EP400: variants seen among roughly 807,000 people sequenced by gnomAD.
The protein encoded by EP400 is E1A-binding protein p400.
EP400 carries 105 observed loss-of-function variants against 354.1 expected under a neutral mutation model. The ratio of observed to expected loss-of-function variants is 0.30; its 90% CI spans 0.25 to 0.35. The LOEUF is 0.35. Ranked by LOEUF, EP400 falls within the 10% of genes least tolerant of loss-of-function variation. EP400 has a pLI of 1.00. For synonymous variants in EP400, 1,646 were observed against 1,716.9 expected, an observed-to-expected ratio of 0.96 and a Z score of 1.02; for missense variants, 3,280 against 4,121.0, an observed-to-expected ratio of 0.80 and a Z score of 5.59.
Position 131,982,099 on chromosome 12 carries a change from T to C in EP400, c.1550T>C (p.Met517Thr). 6.6e-7 allele frequency: 1 copy of C among 1,508,802 alleles called. No homozygotes were observed. Among genetic ancestry groups the C allele is most frequent in the East Asian group, 2.3e-5 (1 of 43,930 alleles). The allele number at this position is 1,508,802 out of a possible 1,614,324, so 93.5% of individuals were successfully genotyped here. The change falls in exon 5 of 53, where the codon ATG becomes ACG. Residue 517 changes from methionine to threonine, a missense_variant. This residue lies in a region of EP400 where 800 missense variants were observed against 840.0 expected (regional missense o/e 0.95). Transcript: ENST00000389561. Reference sequence around the variant, plus strand: ...CACTTTTCTTATTTTGCAGGAGGAATGCCCCCCACGCCGCAGGCCGCGCAG... The same window carrying C: ...CACTTTTCTTATTTTGCAGGAGGAACGCCCCCCACGCCGCAGGCCGCGCAG... ...QQLMPTAQGGMPPTPQAAQLA... is the reference protein window; with the variant it reads ...QQLMPTAQGGTPPTPQAAQLA...
chr12:132,024,213 A>G (rs1364723306), intron 24 of EP400, among the ~76,000 whole-genome samples: 1 of 152,202 alleles, frequency 6.6e-6, no homozygotes, highest in African/African-American at 2.4e-5. Flanking sequence ...TGTAGATCAA[A>G]GTAGAAATAT....
In EP400 at chr12:132,075,833, G is replaced by A. The variant is rs1896217788; in HGVS notation, c.9022-683G>A. The A allele has an allele frequency of 6.5e-6, 1 of 153,542 alleles. No homozygotes were observed. The highest frequency in any genetic ancestry group is 2.4e-5 in the African/African-American group (1 of 41,450). 9.5% of individuals were successfully genotyped at this position (153,542 alleles called of 1,614,324 possible). On this transcript the variant is annotated intron_variant, in intron 51 of 52. Transcript: ENST00000389561. This position sits in a 1 kb window ranked among gnomAD's most constrained non-coding sequence, Gnocchi z 4.5. ...GTGCAGGGAGGGCCCTTGAAATCAG[G>A]GCCCCCAGCAGCTGCCCACGCTGGA...
intron 1 of EP400, among the ~76,000 whole-genome samples, chr12:131,951,671 G>T (rs949618667): frequency 6.6e-6 from 1 of 152,012 alleles, no homozygotes; most frequent in Non-Finnish European, 1.5e-5. Flanking sequence ...GCGCGATCTC[G>T]GCTCACTGCA....
At chr12:132,015,355 G>T (rs1018599667) in intron 19 of EP400, among the ~76,000 whole-genome samples, 4 of 152,232 alleles carry the variant, frequency 2.6e-5, no homozygotes, top group African/African-American at 9.6e-5. Context: ...AAGCTCTGGT[G>T]TCAGATTTTT....
intron 23 of EP400, among the ~76,000 whole-genome samples, chr12:132,021,908 A>C (rs953083773): frequency 5.9e-5 from 9 of 152,224 alleles, no homozygotes; most frequent in African/African-American, 2.2e-4. Flanking sequence ...GTATGTTTTC[A>C]AACCTTACAT....
At chr12:132,022,854 CG>C (rs1894166052) in intron 23 of EP400, among the ~76,000 whole-genome samples, 1 of 151,966 alleles carries the variant, frequency 6.6e-6, no homozygotes, top group Non-Finnish European at 1.5e-5. Context: ...GTGGGAGGAT[CG>C]CTTGAACCCA....
At position 132,067,069 on chromosome 12, in the gene EP400, C is replaced by T. The variant is rs1456175513; in HGVS notation, c.8749+100C>T. 7.3e-7 allele frequency: 1 copy of T among 1,379,018 alleles called. No individual in the cohort carries two copies. The highest frequency in any genetic ancestry group is 9.6e-7 in the Non-Finnish European group (1 of 1,046,674). The allele number at this position is 1,379,018 out of a possible 1,614,324, so 85.4% of individuals were successfully genotyped here. On this transcript the variant is annotated intron_variant, in intron 49 of 52. Transcript: ENST00000389561. This position sits in a 1 kb window ranked among gnomAD's most constrained non-coding sequence, Gnocchi z 5.3. ...CAGCGACCCGTGTTCTTTCCTCACA[C>T]CCACCCACTTGAGCGTGCCATCACG...
chr12:132,007,593 G>C lies in EP400; in HGVS notation c.3304+716G>C, dbSNP rs543628248. On this transcript the variant is annotated intron_variant, in intron 15 of 52. Coordinates refer to ENST00000389561, the MANE Select transcript of EP400 (RefSeq NM_015409.5). ...TGCTCTGTGCCTAGCTGCAGAGGAA[G>C]GTGTGACTTGTGTCTCTAACACAGG... is the stretch of plus-strand genomic sequence containing the variant. Among the ~76,000 whole-genome samples the C allele has an allele frequency of 4.1e-4, 62 of 152,338 alleles. 3 individuals are homozygous for C. In the South Asian group the frequency reaches 0.012, roughly 30 times the overall value.
chr12:132,030,689 C>G (rs1894460658), intron 29 of EP400, among the ~76,000 whole-genome samples: 1 of 152,228 alleles, frequency 6.6e-6, no homozygotes, highest in Admixed American at 6.5e-5. Context: ...CCTTTACTTA[C>G]ATGACAACAA....
At chr12:131,951,845 C>T (rs1348031054) in intron 1 of EP400, among the ~76,000 whole-genome samples, 2 of 151,888 alleles carry the variant, frequency 1.3e-5, no homozygotes, top group African/African-American at 4.8e-5. Context: ...GGCATGATCT[C>T]GGCTCACTGC....
At chr12:131,974,061 C>T (rs996803650) in intron 2 of EP400, among the ~76,000 whole-genome samples, 2 of 151,610 alleles carry the variant, frequency 1.3e-5, no homozygotes, top group Admixed American at 6.6e-5. Context: ...TCACCACAAC[C>T]TCTGCCTCCT....
chr12:131,957,505 G>GT (rs1484003026), intron 1 of EP400, among the ~76,000 whole-genome samples: 5 of 144,608 alleles, frequency 3.5e-5, no homozygotes, highest in African/African-American at 1.3e-4. Flanking sequence ...CAGAAGGAAC[G>GT]TTTTGATTTT....
intron 15 of EP400, 124 bp downstream of exon 15, chr12:132,007,001 T>C (rs559874793): frequency 1.0e-6 from 1 of 999,544 alleles, no homozygotes; most frequent in African/African-American, 1.7e-5. Context: ...TCTGTTGACC[T>C]GAGCAAATTG....
rs1184183627 is a variant in EP400, at chr12:132,062,497, C to T, written c.8130C>T (p.Ile2710=). The change falls in exon 47 of 53, where the codon ATC becomes ATT. Residue 2710 remains isoleucine (I), a synonymous_variant. Coordinates refer to ENST00000389561, the MANE Select transcript of EP400 (RefSeq NM_015409.5). ...GAGTTCAGCTCCCTGGAAAAACCAT[C>T]ACACCTGCACATTTCCAGCTTCTCA... ...ATGVQLPGKT[I]TPAHFQLLRQ... 3 of 1,612,848 alleles carry T rather than the reference C, an allele frequency of 1.9e-6. No homozygotes were observed. The highest frequency in any genetic ancestry group is 2.5e-6 in the Non-Finnish European group (3 of 1,179,840).
chr12:131,953,731 C>T (rs1055500936), intron 1 of EP400, among the ~76,000 whole-genome samples: 8 of 152,124 alleles, frequency 5.3e-5, no homozygotes, highest in African/African-American at 1.9e-4. Context: ...TAATTTGTTA[C>T]GTGACATCTA....
In EP400 at chr12:131,951,065, ATTTTTTTTTT is replaced by A. The variant is rs750396319; in HGVS notation, c.-36+1044_-36+1053del. On this transcript the variant is annotated intron_variant, in intron 1 of 52. Transcript: ENST00000389561. Reference sequence around the variant, plus strand: ...CAGGCGCCTGCCACCACGCCTGGCTATTTTTTTTTTTTTTTTTTTTTTTTGGATTTTTAGT... The same window carrying A: ...CAGGCGCCTGCCACCACGCCTGGCTATTTTTTTTTTTTTTGGATTTTTAGT... Among the ~76,000 whole-genome samples the A allele has an allele frequency of 1.4e-4, 15 of 104,178 alleles. No individual in the cohort carries two copies. The South Asian group carries it at 1.7e-3, about 12-fold the overall frequency. The allele number at this position is 104,178 out of a possible 152,430, so 68.3% of individuals were successfully genotyped here.
At chr12:132,049,209 G>A (rs902519806) in intron 39 of EP400, among the ~76,000 whole-genome samples, 2 of 152,250 alleles carry the variant, frequency 1.3e-5, no homozygotes, top group Non-Finnish European at 2.9e-5. Flanking sequence ...GTTAGAGCCT[G>A]CACAGGAGTT....
At chr12:132,058,142 C>G (rs554092151) in intron 45 of EP400, among the ~76,000 whole-genome samples, 1 of 151,878 alleles carries the variant, frequency 6.6e-6, no homozygotes, top group Non-Finnish European at 1.5e-5. Flanking sequence ...AATGCAGGGC[C>G]AGTCTTGTGA....
At chr12:131,955,970 A>G (rs80059805) in intron 1 of EP400, among the ~76,000 whole-genome samples, 41 of 152,300 alleles carry the variant, frequency 2.7e-4, no homozygotes, top group African/African-American at 9.6e-4. Context: ...TGAGAGACAC[A>G]TTCCATCTTG....
Sources: allele counts gnomAD v4.1 joint callset (sites outside exome capture counted in the v4.1 genomes callset), GRCh38; gene constraint gnomAD v4.1.1; regional missense constraint gnomAD v4.1.1; non-coding constraint Gnocchi (gnomAD v3.1); transcripts MANE v1.5; gene names NCBI Gene and HGNC (gene_info 2026-07-23, HGNC 2026-07-21).